Variants in SYNPO2 observed in about 807,000 individuals in gnomAD.
SYNPO2 encodes the protein synaptopodin 2.
A neutral mutation model predicts 85.0 loss-of-function variants in SYNPO2; 56 were observed. The observed-to-expected ratio is 0.66, with a 90% CI of 0.53 to 0.82. The LOEUF (loss-of-function observed/expected upper bound fraction) is 0.82. SYNPO2 is among the 40% of genes least tolerant of loss of function. The probability of loss-of-function intolerance (pLI) is 0.00; values close to 1 mark genes in which losing one functional copy is unlikely to be tolerated. For missense variants in SYNPO2, 1,575 were observed against 1,534.2 expected (o/e 1.03, Z -0.44); for synonymous variants, 602 against 591.1 (o/e 1.02, Z -0.27).
chr4:119,056,681 A>C (rs1237007284), intron 4 of SYNPO2, among the ~76,000 whole-genome samples: 2 of 152,214 alleles, frequency 1.3e-5, no homozygotes. Context: ...GAAAGGAAGC[A>C]AAATGCAAAT....
chr4:118,881,853 T>C (rs533314656), intron 1 of SYNPO2, among the ~76,000 whole-genome samples: 2 of 152,240 alleles, frequency 1.3e-5, no homozygotes, highest in Admixed American at 6.5e-5. Context: ...GGTGCGCATG[T>C]TTCATTCCTG....
At chr4:118,998,319 T>G (rs887134382) in intron 1 of SYNPO2, among the ~76,000 whole-genome samples, 2 of 152,234 alleles carry the variant, frequency 1.3e-5, no homozygotes, top group African/African-American at 2.4e-5. Flanking sequence ...AAACACACTT[T>G]AAGGGCAAAG....
At chr4:118,851,161 T>C (rs17324968) in intron 1 of SYNPO2, among the ~76,000 whole-genome samples, 6,269 of 152,288 alleles carry the variant, frequency 0.041, 198 homozygotes, top group Non-Finnish European at 0.064. Context: ...ATCACGATCT[T>C]TCTTCCTCAC....
intron 1 of SYNPO2, among the ~76,000 whole-genome samples, chr4:118,873,372 TG>T (rs978225641): frequency 5.3e-5 from 8 of 152,194 alleles, no homozygotes; most frequent in Admixed American, 2.0e-4. Context: ...TTTTTGTTTT[TG>T]TTTTTTTAAT....
chr4:118,902,183 C>T (rs958518665), intron 1 of SYNPO2, among the ~76,000 whole-genome samples: 5 of 152,190 alleles, frequency 3.3e-5, no homozygotes, highest in African/African-American at 1.2e-4. Context: ...GATTAATGCA[C>T]AGGTCCTTTA....
chr4:118,879,728 A>G (rs997024941), intron 1 of SYNPO2, among the ~76,000 whole-genome samples: 5 of 152,202 alleles, frequency 3.3e-5, no homozygotes, highest in African/African-American at 1.2e-4. Flanking sequence ...GCAGCTGGTC[A>G]TCAATCATTT....
intron 1 of SYNPO2, among the ~76,000 whole-genome samples, chr4:118,898,448 T>C (rs1732618225): frequency 6.6e-6 from 1 of 152,202 alleles, no homozygotes; most frequent in Non-Finnish European, 1.5e-5. Context: ...ACCTGTTATA[T>C]CACTGCTTAA....
rs750167027 is a variant in SYNPO2, at chr4:119,027,085, T to G, written c.716T>G (p.Val239Gly). Reference sequence around the variant, plus strand: ...CCTAACTTGTCACATGACAGGATTGTCCACATAAATTCGATCCCTACTAAT... The same window carrying G: ...CCTAACTTGTCACATGACAGGATTGGCCACATAAATTCGATCCCTACTAAT... ...PDPNLSHDRI[V>G]HINSIPTNEK... is the part of the protein sequence containing the mutation. The change falls in exon 3 of 5, where the codon GTC (valine) becomes GGC (glycine). Residue 239 changes from valine to glycine, a missense_variant. Transcript: ENST00000307142. The G allele has an allele frequency of 2.5e-6, 4 of 1,614,164 alleles. No homozygotes were observed. Among genetic ancestry groups the G allele is most frequent in the Non-Finnish European group, 3.4e-6 (4 of 1,180,034 alleles).
rs202033187 is a variant in SYNPO2 at position 119,030,666 on chromosome 4, G to T, written c.1891G>T (p.Ala631Ser). 9.3e-5 allele frequency: 150 copies of T among 1,614,084 alleles called. 1 individual carries two copies. The East Asian group carries it at 2.9e-3, about 32-fold the overall frequency. ...PYSAVTPPPD[A>S]FSRGVSSPIA... is the part of the protein sequence containing the mutation. ...CTCTGCAGTCACTCCTCCCCCTGAC[G>T]CCTTCTCCAGAGGGGTTTCAAGTCC... Residue 631 changes from alanine to serine, a missense_variant, in exon 4 of 5, where the codon GCC (alanine) becomes TCC (serine). Coordinates refer to ENST00000307142, the MANE Select transcript of SYNPO2 (RefSeq NM_133477.3).
At chr4:118,986,911 T>C (rs969079746) in intron 1 of SYNPO2, among the ~76,000 whole-genome samples, 14 of 152,180 alleles carry the variant, frequency 9.2e-5, no homozygotes, top group African/African-American at 7.2e-5. Context: ...AACTTCCCTA[T>C]AGACATCACA....
chr4:119,058,035 C>T lies in SYNPO2; in HGVS notation c.*101C>T. On this transcript the variant is annotated 3_prime_UTR_variant, in exon 5 of 5. Coordinates refer to ENST00000307142, the MANE Select transcript of SYNPO2 (RefSeq NM_133477.3). The stretch of plus-strand genomic sequence containing the variant: ...TAATAGATTTAGATTCACTTTTGGT[C>T]TTGGCTTGTTCTCATAAGTCATTTA... 1 of 1,331,334 alleles carries T rather than the reference C, an allele frequency of 7.5e-7. No homozygotes were observed. The highest frequency in any genetic ancestry group is 1.5e-5 in the South Asian group (1 of 65,538). The allele number at this position is 1,331,334 out of a possible 1,614,324, so 82.5% of individuals were successfully genotyped here. A position where few individuals can be genotyped will look rare whatever the true frequency, so the allele number is the denominator to read the frequency against.
intron 1 of SYNPO2, among the ~76,000 whole-genome samples, chr4:118,919,806 A>G (rs1733474656): frequency 6.6e-6 from 1 of 152,216 alleles, no homozygotes; most frequent in Non-Finnish European, 1.5e-5. Context: ...AAAGAGACTG[A>G]GTACAGGAGT....
At chr4:118,901,968 C>T (rs1314377891) in intron 1 of SYNPO2, among the ~76,000 whole-genome samples, 1 of 152,112 alleles carries the variant, frequency 6.6e-6, no homozygotes, top group Non-Finnish European at 1.5e-5. Flanking sequence ...GGGGGAAGAG[C>T]CTTCCAGGCA....
intron 4 of SYNPO2, chr4:119,034,160 A>G (rs1215132499): frequency 1.0e-6 from 1 of 985,362 alleles, no homozygotes; most frequent in Admixed American, 6.1e-5. Flanking sequence ...TTGCATTTTG[A>G]ATTCTTTTCT....
chr4:119,051,893 C>T (rs1336121232), intron 4 of SYNPO2, among the ~76,000 whole-genome samples: 2 of 152,028 alleles, frequency 1.3e-5, no homozygotes, highest in African/African-American at 2.4e-5. Flanking sequence ...TCAGCCAGGT[C>T]CAAGTGATTA....
chr4:118,994,544 T>G (rs1736520319), intron 1 of SYNPO2, among the ~76,000 whole-genome samples: 1 of 81,786 alleles, frequency 1.2e-5, no homozygotes, highest in African/African-American at 4.2e-5. Flanking sequence ...ATTCAATATA[T>G]GAACTGGGGA....
intron 4 of SYNPO2, among the ~76,000 whole-genome samples, chr4:119,039,555 C>A (rs1038260411): frequency 1.3e-5 from 2 of 152,156 alleles, no homozygotes; most frequent in Non-Finnish European, 2.9e-5. Flanking sequence ...TTGCTTATTA[C>A]AACTCAATAA....
chr4:118,865,889 T>C (rs1212644437), intron 1 of SYNPO2, among the ~76,000 whole-genome samples: 1 of 152,194 alleles, frequency 6.6e-6, no homozygotes, highest in East Asian at 1.9e-4. Context: ...TGTAGGATAA[T>C]TGTAACCAAA....
At chr4:119,034,559 C>G in intron 4 of SYNPO2, 1 of 985,570 alleles carries the variant, frequency 1.0e-6, no homozygotes. Flanking sequence ...GCAGTAAAAG[C>G]ATCTACAACT....
Sources: allele counts gnomAD v4.1 joint callset (sites outside exome capture counted in the v4.1 genomes callset), GRCh38; gene constraint gnomAD v4.1.1; transcripts MANE v1.5; gene names NCBI Gene and HGNC (gene_info 2026-07-23, HGNC 2026-07-21).